COLEC12: variants seen among roughly 807,000 people sequenced by gnomAD.
COLEC12 encodes the protein collectin subfamily member 12, also known as collectin-12.
COLEC12 carries 33 observed loss-of-function variants against 71.1 expected under a neutral mutation model. The observed-to-expected ratio is 0.46, with a 90% CI of 0.35 to 0.62. The LOEUF is 0.62. Among genes scored for constraint, COLEC12 ranks in the 20% least tolerant of loss-of-function variants. The pLI is 0.00. For missense variants in COLEC12, 765 were observed against 916.1 expected (o/e 0.84, Z 2.13); for synonymous variants, 350 against 353.0 (o/e 0.99, Z 0.10).
At chr18:486,274 C>T (rs1228352275) in intron 1 of COLEC12, among the ~76,000 whole-genome samples, 1 of 151,880 alleles carries the variant, frequency 6.6e-6, no homozygotes, top group East Asian at 1.9e-4. Context: ...CAACCTCTGC[C>T]TCCCAGGTTC....
chr18:323,534 C>A (rs939193062), intron 8 of COLEC12, among the ~76,000 whole-genome samples: 1 of 152,202 alleles, frequency 6.6e-6, no homozygotes, highest in African/African-American at 2.4e-5. Context: ...CTCAGCCTGA[C>A]GCCAGATAGA....
rs921019252 is a variant in COLEC12, at chr18:458,942, T to C, written c.58+21765A>G. ...CTTGACCTCCCAGGCTCAAGTGATC[T>C]TCCCACCTCAGCCTTTCAAGTAGCT... On this transcript the variant is annotated intron_variant, in intron 2 of 9. Transcript: ENST00000400256. Among the ~76,000 whole-genome samples, 3 of 152,336 alleles carry C rather than the reference T, an allele frequency of 2.0e-5. No individual in the cohort carries two copies. The South Asian group carries it at 6.2e-4, about 32-fold the overall frequency.
At chr18:464,330 A>G (rs892332333) in intron 2 of COLEC12, among the ~76,000 whole-genome samples, 1 of 152,184 alleles carries the variant, frequency 6.6e-6, no homozygotes, top group Admixed American at 6.5e-5. Context: ...TCACTTAACA[A>G]TGGATCCCAG....
intron 2 of COLEC12, among the ~76,000 whole-genome samples, chr18:450,172 C>T (rs1174418205): frequency 2.6e-5 from 4 of 152,146 alleles, no homozygotes; most frequent in South Asian, 4.1e-4. Flanking sequence ...AAAACTCTCT[C>T]GGCTTCCATA....
At chr18:490,572 C>A (rs1022743172) in intron 1 of COLEC12, among the ~76,000 whole-genome samples, 1 of 152,164 alleles carries the variant, frequency 6.6e-6, no homozygotes, top group Non-Finnish European at 1.5e-5. Context: ...ACATCTCTAA[C>A]TTTGATAAGA....
intron 2 of COLEC12, among the ~76,000 whole-genome samples, chr18:457,624 G>C (rs1370344436): frequency 2.0e-5 from 3 of 152,184 alleles, no homozygotes; most frequent in Non-Finnish European, 4.4e-5. Context: ...GTTGCGAAAT[G>C]GATGCCCACA....
At chr18:396,811 C>A (rs1275793976) in intron 2 of COLEC12, among the ~76,000 whole-genome samples, 2 of 152,218 alleles carry the variant, frequency 1.3e-5, no homozygotes, top group Non-Finnish European at 1.5e-5. Context: ...GGTTTGTTTG[C>A]CTTAACTGGG....
In COLEC12 at chr18:331,324, C is replaced by A. The variant is rs1003034362; in HGVS notation, c.2063+344G>T. On this transcript the variant is annotated intron_variant, in intron 8 of 9. Coordinates refer to ENST00000400256, the MANE Select transcript of COLEC12 (RefSeq NM_130386.3). ...ACGCCTGGGGCGAACGCTGAACATG[C>A]CTGAGGTTGCCTGGGCTTCATCATC... Among the ~76,000 whole-genome samples, 12 of 152,198 alleles carry A rather than the reference C, an allele frequency of 7.9e-5. No individual in the cohort carries two copies. In the East Asian group the frequency reaches 2.3e-3, roughly 29 times the overall value.
chr18:348,182 T>A lies in COLEC12; in HGVS notation c.182-19A>T. 2.1e-6 allele frequency: 3 copies of A among 1,435,388 alleles called. No homozygotes were observed. Among genetic ancestry groups the A allele is most frequent in the Non-Finnish European group, 2.9e-6 (3 of 1,017,182 alleles). 88.9% of individuals were successfully genotyped at this position (1,435,388 alleles called of 1,614,324 possible). A position where few individuals can be genotyped will look rare whatever the true frequency, so the allele number is the denominator to read the frequency against. On this transcript the variant is annotated intron_variant, in intron 3 of 9. Coordinates refer to ENST00000400256, the MANE Select transcript of COLEC12 (RefSeq NM_130386.3). ...TCTACAACTAAGATTTGGAAAATGATGCATTAGTATACATATCTGCTCATA... is the reference window on the plus strand; with the variant it reads ...TCTACAACTAAGATTTGGAAAATGAAGCATTAGTATACATATCTGCTCATA...
At chr18:377,927 C>A (rs1915149040) in intron 2 of COLEC12, among the ~76,000 whole-genome samples, 1 of 152,082 alleles carries the variant, frequency 6.6e-6, no homozygotes, top group African/African-American at 2.4e-5. Context: ...AACTCCTTCC[C>A]CACTGAGAAA....
chr18:435,652 G>A (rs1353344951), intron 2 of COLEC12, among the ~76,000 whole-genome samples: 1 of 151,978 alleles, frequency 6.6e-6, no homozygotes, highest in Admixed American at 6.6e-5. Flanking sequence ...CTTTTTATAC[G>A]CTGGCTTTTT....
chr18:448,898 C>T (rs1461067813), intron 2 of COLEC12, among the ~76,000 whole-genome samples: 1 of 152,094 alleles, frequency 6.6e-6, no homozygotes, highest in Non-Finnish European at 1.5e-5. Flanking sequence ...TAAAAAGTTA[C>T]TTCAGTTGAA....
intron 1 of COLEC12, among the ~76,000 whole-genome samples, chr18:495,356 A>G (rs551478861): frequency 6.6e-6 from 1 of 152,062 alleles, no homozygotes; most frequent in Admixed American, 6.5e-5. Context: ...TTTACTGATC[A>G]CTCACCGGTG....
chr18:458,233 T>C (rs529568347), intron 2 of COLEC12, among the ~76,000 whole-genome samples: 2 of 152,342 alleles, frequency 1.3e-5, no homozygotes, highest in Admixed American at 6.5e-5. Flanking sequence ...CCGGAAACTC[T>C]AGCACTCATT....
intron 3 of COLEC12, among the ~76,000 whole-genome samples, chr18:357,054 C>G: frequency 6.6e-6 from 1 of 151,790 alleles, no homozygotes. Context: ...TGTGCTGACT[C>G]CAGGGTTTCC....
chr18:474,771 C>T (rs1417751254), intron 2 of COLEC12, among the ~76,000 whole-genome samples: 3 of 152,078 alleles, frequency 2.0e-5, no homozygotes, highest in Non-Finnish European at 4.4e-5. Context: ...CATTTTGACA[C>T]CGAATTCTTA....
chr18:352,174 A>C (rs1313651390), intron 3 of COLEC12, among the ~76,000 whole-genome samples: 2 of 152,222 alleles, frequency 1.3e-5, no homozygotes. Flanking sequence ...ATACTCCTAA[A>C]TCCCTGGAAA....
intron 2 of COLEC12, among the ~76,000 whole-genome samples, chr18:440,606 C>T (rs559154543): frequency 1.3e-3 from 191 of 152,304 alleles, no homozygotes; most frequent in African/African-American, 4.2e-3. Context: ...CTGTGCAGGA[C>T]GGATTCCAGG....
At chr18:494,089 A>G (rs868432575) in intron 1 of COLEC12, among the ~76,000 whole-genome samples, 28 of 152,304 alleles carry the variant, frequency 1.8e-4, no homozygotes, top group African/African-American at 6.5e-4. Flanking sequence ...CATTACTACA[A>G]TTACAAACTT....
Sources: gnomAD v4.1 joint callset for allele counts (sites outside exome capture counted in the v4.1 genomes callset) on GRCh38, gnomAD v4.1.1 for gene constraint, MANE v1.5 for transcripts, NCBI Gene and HGNC (gene_info 2026-07-23, HGNC 2026-07-21) for gene names.